CUX2: variants seen among roughly 807,000 people sequenced by gnomAD.
The protein encoded by CUX2 is cut like homeobox 2.
In CUX2, 40 loss-of-function variants were observed where a neutral mutation model predicts 144.8. That is an observed-to-expected ratio of 0.28 (90% CI 0.21 to 0.36). The LOEUF (loss-of-function observed/expected upper bound fraction) is 0.36, where lower values mean the gene tolerates loss of function less well. Among genes scored for constraint, CUX2 ranks in the 10% least tolerant of loss-of-function variants. The pLI is 1.00. For missense variants in CUX2, 1,615 were observed against 1,994.0 expected, an observed-to-expected ratio of 0.81 and a Z score of 3.62; for synonymous variants, 827 against 875.6, an observed-to-expected ratio of 0.94 and a Z score of 0.98.
Position 111,320,689 on chromosome 12 carries a change from C to T in CUX2, c.2680C>T (p.Arg894Cys). The change falls in exon 17 of 22, where the codon CGT (arginine) becomes TGT (cysteine). Residue 894 changes from arginine (R) to cysteine (C), a missense_variant. Transcript: ENST00000261726. This position sits in a 1 kb window ranked among gnomAD's most constrained non-coding sequence, Gnocchi z 8.1. ...CGAGCAGTACGAGCTGTACATGTAC[C>T]GTGAGGTAGACACGCTGGAGCTCAC... Reference protein sequence around the residue: ...TPEQYELYMYREVDTLELTRQ... With the variant: ...TPEQYELYMYCEVDTLELTRQ... 4 of 1,595,778 alleles carry T rather than the reference C, an allele frequency of 2.5e-6. No homozygotes were observed. The highest frequency in any genetic ancestry group is 2.2e-5 in the South Asian group (2 of 90,708).
chr12:111,222,025 C>T (rs986110159), intron 3 of CUX2, among the ~76,000 whole-genome samples: 9 of 152,128 alleles, frequency 5.9e-5, no homozygotes, highest in Non-Finnish European at 1.2e-4. Context: ...ACGAAAGCCT[C>T]GCTAATTATA....
At chr12:111,118,630 C>T (rs1874439876) in intron 1 of CUX2, among the ~76,000 whole-genome samples, 1 of 152,214 alleles carries the variant, frequency 6.6e-6, no homozygotes, top group African/African-American at 2.4e-5. Flanking sequence ...ATGGATCCAA[C>T]TGGTCCCAGG....
chr12:111,076,652 C>T (rs1366173525), intron 1 of CUX2, among the ~76,000 whole-genome samples: 2 of 152,202 alleles, frequency 1.3e-5, no homozygotes, highest in African/African-American at 2.4e-5. Context: ...ACTCAGCAGA[C>T]GGGCTAGCCT....
At chr12:111,176,922 C>G (rs918045403) in intron 1 of CUX2, among the ~76,000 whole-genome samples, 1 of 152,238 alleles carries the variant, frequency 6.6e-6, no homozygotes, top group Non-Finnish European at 1.5e-5. Context: ...GAAAATTTCT[C>G]ATTGCAGGGT....
chr12:111,303,943 C>A (rs979407735), intron 9 of CUX2, among the ~76,000 whole-genome samples: 10 of 152,192 alleles, frequency 6.6e-5, no homozygotes, highest in African/African-American at 2.4e-4. Flanking sequence ...CCAGGCACCC[C>A]ACGAGAACCC....
chr12:111,050,242 T>C (rs920659012), intron 1 of CUX2, among the ~76,000 whole-genome samples: 1 of 152,050 alleles, frequency 6.6e-6, no homozygotes, highest in Non-Finnish European at 1.5e-5. Flanking sequence ...CTGTTTCTTT[T>C]CAGACCCATC....
At chr12:111,166,882 CT>C (rs1228922479) in intron 1 of CUX2, among the ~76,000 whole-genome samples, 1 of 152,206 alleles carries the variant, frequency 6.6e-6, no homozygotes, top group East Asian at 1.9e-4. Context: ...GGGGATGTCT[CT>C]GTTGGAAGGG....
chr12:111,311,340 T>G (rs1886888290), intron 15 of CUX2, among the ~76,000 whole-genome samples: 1 of 151,788 alleles, frequency 6.6e-6, no homozygotes, highest in Non-Finnish European at 1.5e-5. Flanking sequence ...CAGGCTGGAG[T>G]GTAGTGGCAC....
At chr12:111,086,056 T>G (rs1400314181) in intron 1 of CUX2, among the ~76,000 whole-genome samples, 1 of 152,232 alleles carries the variant, frequency 6.6e-6, no homozygotes, top group Non-Finnish European at 1.5e-5. Context: ...GCATAATTCC[T>G]AGGTCCCTTC....
intron 1 of CUX2, among the ~76,000 whole-genome samples, chr12:111,108,779 C>A (rs553514799): frequency 5.3e-5 from 8 of 151,286 alleles, no homozygotes; most frequent in Non-Finnish European, 7.4e-5. Flanking sequence ...TTTTTTGCAA[C>A]TTTTTTTCTT....
At position 111,291,577 on chromosome 12, in the gene CUX2, G is replaced by A. The variant is rs540631220; in HGVS notation, c.436+25G>A. ...GGTACTGATAAGGCCTTCTCGGAGC[G>A]TCTACAATAAACAACCAGGCTGCAG... On this transcript the variant is annotated intron_variant, in intron 5 of 21. Coordinates refer to ENST00000261726, the MANE Select transcript of CUX2 (RefSeq NM_015267.4). 92 of 1,557,552 alleles carry A rather than the reference G, an allele frequency of 5.9e-5. No individual in the cohort carries two copies. The Middle Eastern group carries it at 8.6e-4, about 15-fold the overall frequency.
chr12:111,311,189 A>G (rs1037684656), intron 15 of CUX2, among the ~76,000 whole-genome samples: 1 of 152,186 alleles, frequency 6.6e-6, no homozygotes, highest in African/African-American at 2.4e-5. Flanking sequence ...AGGAGGCACC[A>G]TGAGGATTAA....
chr12:111,293,649 G>A lies in CUX2; in HGVS notation c.560+80G>A, dbSNP rs1885814282. ...CCCCACCTGGCTGGGTCGTGGACGGGGAAAGTCTCCTACCAGAATCCAGAT... is the reference window on the plus strand; with the variant it reads ...CCCCACCTGGCTGGGTCGTGGACGGAGAAAGTCTCCTACCAGAATCCAGAT... On this transcript the variant is annotated intron_variant, in intron 6 of 21. Coordinates refer to ENST00000261726, the MANE Select transcript of CUX2 (RefSeq NM_015267.4). The surrounding 1 kb of genome is among the most constrained non-coding windows in gnomAD (Gnocchi z 4.5). 6.7e-7 allele frequency: 1 copy of A among 1,499,198 alleles called. No individual in the cohort carries two copies. The highest frequency in any genetic ancestry group is 1.3e-5 in the South Asian group (1 of 76,280). The allele number at this position is 1,499,198 out of a possible 1,614,324, so 92.9% of individuals were successfully genotyped here. A position where few individuals can be genotyped will look rare whatever the true frequency, so the allele number is the denominator to read the frequency against.
At chr12:111,148,650 A>G (rs553984933) in intron 1 of CUX2, among the ~76,000 whole-genome samples, 2 of 152,260 alleles carry the variant, frequency 1.3e-5, no homozygotes, top group East Asian at 3.9e-4. Context: ...ACGTGACACA[A>G]AGTATCTCCT....
chr12:111,062,326 C>T (rs1453655201), intron 1 of CUX2, among the ~76,000 whole-genome samples: 1 of 152,190 alleles, frequency 6.6e-6, no homozygotes, highest in Non-Finnish European at 1.5e-5. Context: ...TGAGGGTCCA[C>T]GAGCATTTTA....
At chr12:111,338,611 C>A (rs1888454449) in intron 20 of CUX2, 137 bp downstream of exon 20, 4 of 716,490 alleles carry the variant, frequency 5.6e-6, no homozygotes, top group South Asian at 5.0e-5. Flanking sequence ...GAAATAGCAA[C>A]CTTGAAAAAC....
In CUX2 at chr12:111,059,800, A is replaced by G. The variant is rs1348717540; in HGVS notation, c.63+25560A>G. Among the ~76,000 whole-genome samples the G allele has an allele frequency of 5.3e-5, 8 of 152,024 alleles. No homozygotes were observed. Among genetic ancestry groups the G allele is most frequent in the Non-Finnish European group, 1.2e-4 (8 of 67,986 alleles). ...TGGCTGGGATGCCGAGGGTGGGGGC[A>G]GTGAGGGAGGTGTTGGGGAGAGCAT... On this transcript the variant is annotated intron_variant, in intron 1 of 21. Transcript: ENST00000261726. This position sits in a 1 kb window ranked among gnomAD's most constrained non-coding sequence, Gnocchi z 5.3.
At chr12:111,316,336 G>A (rs951520907) in intron 16 of CUX2, among the ~76,000 whole-genome samples, 9 of 149,632 alleles carry the variant, frequency 6.0e-5, no homozygotes, top group Non-Finnish European at 8.9e-5. Flanking sequence ...AGTAGAGACG[G>A]GGTTTCTCCG....
chr12:111,228,555 C>T (rs1882299352), intron 3 of CUX2, among the ~76,000 whole-genome samples: 1 of 152,116 alleles, frequency 6.6e-6, no homozygotes, highest in Non-Finnish European at 1.5e-5. Context: ...TCCTGAGTAG[C>T]TGGGATTACA....
Sources: gnomAD v4.1 joint callset for allele counts (sites outside exome capture counted in the v4.1 genomes callset) on GRCh38, gnomAD v4.1.1 for gene constraint, Gnocchi (gnomAD v3.1) non-coding constraint, MANE v1.5 for transcripts, NCBI Gene and HGNC (gene_info 2026-07-23, HGNC 2026-07-21) for gene names.